Variants in MARK2 observed in about 807,000 individuals in gnomAD.
The protein encoded by MARK2 is serine/threonine-protein kinase MARK2.
MARK2 carries 16 observed loss-of-function variants against 89.8 expected under a neutral mutation model. The observed-to-expected ratio is 0.18, with a 90% CI of 0.12 to 0.27. MARK2 has a LOEUF of 0.27. MARK2 is among the 10% of genes least tolerant of loss of function. MARK2 has a pLI of 1.00. For missense variants in MARK2, 621 were observed against 1,049.9 expected (o/e 0.59, Z 5.65); for synonymous variants, 382 against 399.5 (o/e 0.96, Z 0.52).
At chr11:63,878,662 C>G (rs1030882571) in intron 1 of MARK2, among the ~76,000 whole-genome samples, 3 of 152,084 alleles carry the variant, frequency 2.0e-5, no homozygotes, top group Non-Finnish European at 4.4e-5. Context: ...AGCCACCGCA[C>G]CTGGCTCAAG....
intron 1 of MARK2, among the ~76,000 whole-genome samples, chr11:63,892,761 C>T (rs1262922107): frequency 6.8e-6 from 1 of 146,952 alleles, no homozygotes; most frequent in Non-Finnish European, 1.5e-5. Flanking sequence ...GGGTCTCGCT[C>T]TATCACCCAG....
At chr11:63,863,516 G>A (rs1937940911) in intron 1 of MARK2, among the ~76,000 whole-genome samples, 1 of 134,226 alleles carries the variant, frequency 7.5e-6, no homozygotes. Context: ...CCAGGCTGGA[G>A]TGCAGTGGCG....
At chr11:63,847,773 C>T (rs2016355543) in intron 1 of MARK2, among the ~76,000 whole-genome samples, 2 of 152,174 alleles carry the variant, frequency 1.3e-5, no homozygotes, top group South Asian at 4.1e-4. Flanking sequence ...GACATTAACT[C>T]CTTTTTTGGA....
At position 63,898,603 on chromosome 11, in the gene MARK2, T is replaced by C. The variant is rs1940615408; in HGVS notation, c.338-5T>C. On this transcript the variant is annotated splice_polypyrimidine_tract_variant and splice_region_variant and intron_variant, in intron 4 of 18. Coordinates refer to ENST00000402010, the MANE Select transcript of MARK2 (RefSeq NM_001039469.3). ...TGACTTAAGGCTTGGCCTTTTCTCT[T>C]GTAGTTAAATTATTTGAAGTGATTG... 1.9e-6 allele frequency: 3 copies of C among 1,611,732 alleles called. No individual in the cohort carries two copies. The African/African-American group carries it at 4.0e-5, about 22-fold the overall frequency.
chr11:63,855,130 T>C (rs2016775150), intron 1 of MARK2, among the ~76,000 whole-genome samples: 1 of 152,112 alleles, frequency 6.6e-6, no homozygotes. Context: ...GAATGTGATT[T>C]TTTGACATTG....
At chr11:63,895,075 C>G in intron 1 of MARK2, 84 bp from the exon 2 acceptor site, 258 of 1,135,892 alleles carry the variant, frequency 2.3e-4, no homozygotes, top group Non-Finnish European at 3.0e-4. Context: ...TGCCCCTGCA[C>G]CCTCATCCCT....
At chr11:63,842,750 G>A (rs892103814) in intron 1 of MARK2, among the ~76,000 whole-genome samples, 1 of 152,028 alleles carries the variant, frequency 6.6e-6, no homozygotes, top group African/African-American at 2.4e-5. Context: ...AAGGTCCTCT[G>A]TCACCTTATT....
In MARK2 at chr11:63,909,300, C is replaced by A; in HGVS notation, c.*63C>A. ...CTGGACGGGCTGCCGGCCGCTGCGC[C>A]GCCCCACCTGGGCGAGACTGCAGCG... On this transcript the variant is annotated 3_prime_UTR_variant, in exon 19 of 19. Coordinates refer to ENST00000402010, the MANE Select transcript of MARK2 (RefSeq NM_001039469.3). The A allele has an allele frequency of 6.8e-7, 1 of 1,465,790 alleles. No homozygotes were observed. Among genetic ancestry groups the A allele is most frequent in the South Asian group, 1.4e-5 (1 of 72,254 alleles). The allele number at this position is 1,465,790 out of a possible 1,614,324, so 90.8% of individuals were successfully genotyped here.
Position 63,895,353 on chromosome 11 carries a change from TG to T in MARK2, c.234+19del. ...CTGGGAAAGAGGTGAGCACTGGGAC[TG>T]GGGACATGGCAGCACCTCCCAGCCC... On this transcript the variant is annotated intron_variant, in intron 2 of 18. Transcript: ENST00000402010. The T allele has an allele frequency of 6.2e-7, 1 of 1,610,172 alleles. No homozygotes were observed. The highest frequency in any genetic ancestry group is 8.5e-7 in the Non-Finnish European group (1 of 1,177,150).
chr11:63,853,216 T>A (rs1162487934), intron 1 of MARK2, among the ~76,000 whole-genome samples: 1 of 152,058 alleles, frequency 6.6e-6, no homozygotes, highest in Non-Finnish European at 1.5e-5. Context: ...CTGGCCAACA[T>A]GGTGAAACTC....
Position 63,904,180 on chromosome 11 carries a change from G to A in MARK2, c.1676+33G>A, listed in dbSNP as rs1941135753. 6.6e-7 allele frequency: 1 copy of A among 1,518,152 alleles called. No homozygotes were observed. Among genetic ancestry groups the A allele is most frequent in the Non-Finnish European group, 8.8e-7 (1 of 1,137,804 alleles). 94.0% of individuals were successfully genotyped at this position (1,518,152 alleles called of 1,614,324 possible). The stretch of plus-strand genomic sequence containing the variant: ...TGCTGGGGCAGCTGGTGCACCTGCT[G>A]CCCTCAGCCCACCCTACCCCCTTGC... On this transcript the variant is annotated intron_variant, in intron 15 of 18. Coordinates refer to ENST00000402010, the MANE Select transcript of MARK2 (RefSeq NM_001039469.3). This position sits in a 1 kb window ranked among gnomAD's most constrained non-coding sequence, Gnocchi z 6.3.
intron 3 of MARK2, among the ~76,000 whole-genome samples, chr11:63,897,121 G>T (rs1940474004): frequency 2.6e-5 from 4 of 152,216 alleles, no homozygotes; most frequent in Admixed American, 2.0e-4. Flanking sequence ...GTCTAGACAA[G>T]CCCAGAAAAC....
At chr11:63,851,912 A>C (rs1013877498) in intron 1 of MARK2, among the ~76,000 whole-genome samples, 1 of 152,206 alleles carries the variant, frequency 6.6e-6, no homozygotes, top group African/African-American at 2.4e-5. Flanking sequence ...GAATGCCATA[A>C]GTATAGACCC....
At chr11:63,886,624 A>G (rs1004644718) in intron 1 of MARK2, among the ~76,000 whole-genome samples, 2 of 152,084 alleles carry the variant, frequency 1.3e-5, no homozygotes, top group African/African-American at 4.8e-5. Flanking sequence ...GGGTTTCGCC[A>G]TGTTGCTTAG....
intron 18 of MARK2, 120 bp from the exon 19 acceptor site, chr11:63,908,757 C>A: frequency 9.6e-7 from 1 of 1,046,864 alleles, no homozygotes; most frequent in South Asian, 2.3e-5. Flanking sequence ...GGGGCCACGC[C>A]TGGCTGCTCC....
chr11:63,883,746 C>T (rs1290260749), intron 1 of MARK2, among the ~76,000 whole-genome samples: 1 of 151,992 alleles, frequency 6.6e-6, no homozygotes, highest in South Asian at 2.1e-4. Flanking sequence ...CACCACACCC[C>T]GGCTAATTTT....
intron 1 of MARK2, among the ~76,000 whole-genome samples, chr11:63,867,255 T>C (rs1201989576): frequency 1.3e-5 from 2 of 152,244 alleles, no homozygotes; most frequent in Non-Finnish European, 2.9e-5. Context: ...CTTGAACTCC[T>C]GGGCTCAAGT....
Position 63,839,571 on chromosome 11 carries a change from C to T in MARK2, c.54+11C>T, listed in dbSNP as rs1482104822. On this transcript the variant is annotated intron_variant, in intron 1 of 18. Transcript: ENST00000402010. ...AGGGACACGGAGCAGGTAAGGAGCC[C>T]CGAGGGCTCCCCGAATTCTCTGGCT... The T allele has an allele frequency of 4.6e-6, 7 of 1,518,780 alleles. No homozygotes were observed. Among genetic ancestry groups the T allele is most frequent in the Non-Finnish European group, 4.4e-6 (5 of 1,125,972 alleles). The allele number at this position is 1,518,780 out of a possible 1,614,324, so 94.1% of individuals were successfully genotyped here. A position where few individuals can be genotyped will look rare whatever the true frequency, so the allele number is the denominator to read the frequency against.
In MARK2 at chr11:63,898,990, C is replaced by T. The variant is rs1940645622; in HGVS notation, c.475-62C>T. ...AGCACTAAGTCACAGGGTCACTGCTCTGTCAGCCCCTGTGGCCCACCCTCA... is the reference window on the plus strand; with the variant it reads ...AGCACTAAGTCACAGGGTCACTGCTTTGTCAGCCCCTGTGGCCCACCCTCA... On this transcript the variant is annotated intron_variant, in intron 6 of 18. Coordinates refer to ENST00000402010, the MANE Select transcript of MARK2 (RefSeq NM_001039469.3). 3.9e-6 allele frequency: 5 copies of T among 1,287,090 alleles called. No homozygotes were observed. In the South Asian group the frequency reaches 4.7e-5, roughly 12 times the overall value. 79.7% of individuals were successfully genotyped at this position (1,287,090 alleles called of 1,614,324 possible).
Sources: gnomAD v4.1 joint callset for allele counts (sites outside exome capture counted in the v4.1 genomes callset) on GRCh38, gnomAD v4.1.1 for gene constraint, Gnocchi (gnomAD v3.1) non-coding constraint, MANE v1.5 for transcripts, NCBI Gene and HGNC (gene_info 2026-07-23, HGNC 2026-07-21) for gene names.